Variants in ARAP2 observed in about 807,000 individuals in gnomAD.
The protein encoded by ARAP2 is ArfGAP with RhoGAP domain, ankyrin repeat and PH domain 2, also known as arf-GAP with Rho-GAP domain, ANK repeat and PH domain-containing protein 2.
In ARAP2, 148 loss-of-function variants were observed where a neutral mutation model predicts 194.5. The ratio of observed to expected loss-of-function variants is 0.76; its 90% CI spans 0.67 to 0.87. The LOEUF is 0.87. Among genes scored for constraint, ARAP2 ranks in the 40% least tolerant of loss-of-function variants. ARAP2 has a pLI of 0.00. For synonymous variants in ARAP2, 695 were observed against 683.5 expected, an observed-to-expected ratio of 1.02 and a Z score of -0.26; for missense variants, 2,128 against 1,989.7, an observed-to-expected ratio of 1.07 and a Z score of -1.32.
At chr4:36,016,465 G>A (rs1225961675) in intron 6 of ARAP2, among the ~76,000 whole-genome samples, 3 of 151,916 alleles carry the variant, frequency 2.0e-5, no homozygotes, top group African/African-American at 7.2e-5. Context: ...GTACATTGAT[G>A]TCTGTTATAT....
intron 5 of ARAP2, among the ~76,000 whole-genome samples, chr4:36,045,526 C>T (rs1441236232): frequency 1.3e-5 from 2 of 152,036 alleles, no homozygotes; most frequent in African/African-American, 4.8e-5. Context: ...TGGTGGTTAT[C>T]AGAGGCTGGG....
In ARAP2 at chr4:36,155,670, A is replaced by AT. The variant is rs888574302; in HGVS notation, c.2752+3059dup. On this transcript the variant is annotated intron_variant, in intron 15 of 32. Transcript: ENST00000303965. Reference sequence around the variant, plus strand: ...TTATTTATTTTTTTTTTTATTTTTAATTTTTTTTTTAGACCGAGTCTCGCT... The same window carrying AT: ...TTATTTATTTTTTTTTTTATTTTTAATTTTTTTTTTTAGACCGAGTCTCGCT... Among the ~76,000 whole-genome samples, 1,240 of 147,572 alleles carry AT rather than the reference A, an allele frequency of 8.4e-3. 22 individuals carry two copies. The highest frequency in any genetic ancestry group is 0.029 in the African/African-American group (1,188 of 40,280).
At chr4:36,231,223 CT>C (rs1372723551) in intron 1 of ARAP2, among the ~76,000 whole-genome samples, 1 of 152,142 alleles carries the variant, frequency 6.6e-6, no homozygotes, top group African/African-American at 2.4e-5. Flanking sequence ...GTAATCCCAG[CT>C]ACTCGGGAGG....
rs1333845090 is a variant in ARAP2 at position 36,178,144 on chromosome 4, A to G, written c.1679-139T>C. 5.8e-6 allele frequency: 4 copies of G among 694,580 alleles called. No individual in the cohort carries two copies. In the East Asian group the frequency reaches 8.6e-5, roughly 15 times the overall value. 43.0% of individuals were successfully genotyped at this position (694,580 alleles called of 1,614,324 possible). On this transcript the variant is annotated intron_variant, in intron 8 of 32. Coordinates refer to ENST00000303965, the MANE Select transcript of ARAP2 (RefSeq NM_015230.4). Reference sequence around the variant, plus strand: ...ACAACCACAATCTAAATGCTACTGTAAACAGAGCCAATGACTCAATTCTTT... The same window carrying G: ...ACAACCACAATCTAAATGCTACTGTGAACAGAGCCAATGACTCAATTCTTT...
At chr4:36,024,304 ACT>A (rs561900638) in intron 5 of ARAP2, among the ~76,000 whole-genome samples, 4 of 152,206 alleles carry the variant, frequency 2.6e-5, no homozygotes, top group Non-Finnish European at 4.4e-5. Flanking sequence ...AGCATATGTC[ACT>A]GATACTGTAT....
At position 36,147,229 on chromosome 4, in the gene ARAP2, A is replaced by G. The variant is rs527897882; in HGVS notation, c.3263+67T>C. ...ATATTGTTTTCTCCCTCAAGATAAT[A>G]ACAAAAAACAAAATCCCGCTGCCCA... On this transcript the variant is annotated intron_variant, in intron 19 of 32. Transcript: ENST00000303965. 9.1e-6 allele frequency: 13 copies of G among 1,423,524 alleles called. No individual in the cohort carries two copies. The East Asian group carries it at 2.5e-4, about 27-fold the overall frequency. The allele number at this position is 1,423,524 out of a possible 1,614,324, so 88.2% of individuals were successfully genotyped here. A position where few individuals can be genotyped will look rare whatever the true frequency, so the allele number is the denominator to read the frequency against.
chr4:36,065,649 G>C (rs1725277543), downstream of ARAP2: 1 of 173,506 alleles, frequency 5.8e-6, no homozygotes, highest in Non-Finnish European at 1.3e-5. Context: ...GAATGACCAA[G>C]TGGCACTGCT....
At chr4:36,131,021 A>C (rs2109601072) in intron 20 of ARAP2, among the ~76,000 whole-genome samples, 1 of 152,048 alleles carries the variant, frequency 6.6e-6, no homozygotes, top group African/African-American at 2.4e-5. Context: ...CTATGAACTC[A>C]GTCAAGTTCA....
chr4:36,040,231 G>A (rs1372226943), intron 5 of ARAP2, among the ~76,000 whole-genome samples: 1 of 152,188 alleles, frequency 6.6e-6, no homozygotes, highest in African/African-American at 2.4e-5. Flanking sequence ...GTAACCAAGA[G>A]ACTTGGGCAA....
chr4:36,191,547 C>A (rs917307300), intron 7 of ARAP2, among the ~76,000 whole-genome samples: 2 of 150,446 alleles, frequency 1.3e-5, no homozygotes, highest in Non-Finnish European at 3.0e-5. Context: ...CAAGAAAAAT[C>A]TTGTAATTTT....
chr4:36,091,407 A>C (rs1184970571), intron 28 of ARAP2, among the ~76,000 whole-genome samples: 1 of 152,150 alleles, frequency 6.6e-6, no homozygotes, highest in African/African-American at 2.4e-5. Context: ...ATTAGACGGA[A>C]TATATCAATA....
At chr4:36,057,299 G>A (rs1003680883) in intron 2 of ARAP2, among the ~76,000 whole-genome samples, 1 of 150,568 alleles carries the variant, frequency 6.6e-6, no homozygotes, top group Non-Finnish European at 1.5e-5. Context: ...GATTTTAAGA[G>A]TCCCTCAGTG....
intron 21 of ARAP2, among the ~76,000 whole-genome samples, chr4:36,127,415 C>G (rs1390479266): frequency 6.6e-6 from 1 of 151,946 alleles, no homozygotes; most frequent in African/African-American, 2.4e-5. Flanking sequence ...TCGTGAGAAG[C>G]TTTATTTTCA....
intron 2 of ARAP2, among the ~76,000 whole-genome samples, chr4:36,216,022 G>T (rs1747861605): frequency 6.7e-6 from 1 of 149,834 alleles, no homozygotes; most frequent in Admixed American, 6.7e-5. Flanking sequence ...AAGGTGGGCA[G>T]ATTTCTTGAG....
At chr4:36,074,927 A>T (rs1313460008) in intron 31 of ARAP2, among the ~76,000 whole-genome samples, 11 of 152,116 alleles carry the variant, frequency 7.2e-5, no homozygotes, top group Admixed American at 7.2e-4. Flanking sequence ...TTCCTCAATG[A>T]TCTTACAGTG....
At chr4:36,090,249 T>C (rs563894700) in intron 28 of ARAP2, among the ~76,000 whole-genome samples, 3 of 152,152 alleles carry the variant, frequency 2.0e-5, no homozygotes, top group Non-Finnish European at 4.4e-5. Context: ...AGTTCTGAAA[T>C]TGAAGCAGTA....
At chr4:36,039,731 T>TA (rs1305643625) in intron 5 of ARAP2, among the ~76,000 whole-genome samples, 1 of 152,124 alleles carries the variant, frequency 6.6e-6, no homozygotes, top group Non-Finnish European at 1.5e-5. Flanking sequence ...CTTTTCCAAA[T>TA]ACTCTTGACT....
chr4:36,160,284 A>G (rs1733611330), intron 13 of ARAP2, 175 bp downstream of exon 13: 1 of 1,217,134 alleles, frequency 8.2e-7, no homozygotes, highest in South Asian at 2.6e-5. Context: ...TCTTTTGACA[A>G]TGAATCCTTA....
intron 1 of ARAP2, among the ~76,000 whole-genome samples, chr4:36,058,667 C>A (rs1205472853): frequency 6.6e-6 from 1 of 152,004 alleles, no homozygotes; most frequent in African/African-American, 2.4e-5. Context: ...TTCATTATGC[C>A]ATGATTCATT....
Sources: gnomAD v4.1 joint callset for allele counts (sites outside exome capture counted in the v4.1 genomes callset) on GRCh38, gnomAD v4.1.1 for gene constraint, MANE v1.5 for transcripts, NCBI Gene and HGNC (gene_info 2026-07-23, HGNC 2026-07-21) for gene names.